Variants in NUP98 observed in about 807,000 individuals in gnomAD.
The protein encoded by NUP98 is nucleoporin 98 and 96 precursor.
Under a neutral mutation model 191.9 loss-of-function variants are expected in NUP98, and 26 were observed. That is an observed-to-expected ratio of 0.14 (90% confidence interval 0.10 to 0.19). The LOEUF is 0.19. Ranked by LOEUF, NUP98 falls within the 10% of genes least tolerant of loss-of-function variation. The pLI is 1.00. For synonymous variants in NUP98, 808 were observed against 778.4 expected, an observed-to-expected ratio of 1.04 and a Z score of -0.63; for missense variants, 1,941 against 2,178.8, an observed-to-expected ratio of 0.89 and a Z score of 2.17.
rs553445511 is a variant in NUP98, at chr11:3,749,181, G to A, written c.1267+4135C>T. 9.9e-5 allele frequency among the ~76,000 whole-genome samples: 15 copies of A among 151,688 alleles called. No individual in the cohort carries two copies. The East Asian group carries it at 1.9e-3, about 20-fold the overall frequency. The stretch of plus-strand genomic sequence containing the variant: ...AAATTAGCCGGGCGCGGTGGCGGGC[G>A]CCTATAGTCCCAGCTACTCGGGAGG... On this transcript the variant is annotated intron_variant, in intron 11 of 32. Coordinates refer to ENST00000324932, the MANE Select transcript of NUP98 (RefSeq NM_016320.5).
At chr11:3,745,040 GTAAT>G (rs2080440366) in intron 11 of NUP98, among the ~76,000 whole-genome samples, 1 of 152,194 alleles carries the variant, frequency 6.6e-6, no homozygotes, top group Admixed American at 6.5e-5. Flanking sequence ...TTAGGGTTTA[GTAAT>G]TAGCACGATG....
chr11:3,776,240 G>A (rs1357881017), intron 4 of NUP98, among the ~76,000 whole-genome samples: 1 of 150,668 alleles, frequency 6.6e-6, no homozygotes, highest in Non-Finnish European at 1.5e-5. Flanking sequence ...TCCTGCCTCA[G>A]CCTCCCAAGT....
At chr11:3,697,474 A>T (rs2078544413) in intron 25 of NUP98, among the ~76,000 whole-genome samples, 1 of 152,092 alleles carries the variant, frequency 6.6e-6, no homozygotes, top group Non-Finnish European at 1.5e-5. Context: ...TAAGGATCTG[A>T]TCATATTAGA....
intron 13 of NUP98, among the ~76,000 whole-genome samples, chr11:3,733,532 G>A (rs932218281): frequency 6.6e-6 from 1 of 151,988 alleles, no homozygotes; most frequent in Non-Finnish European, 1.5e-5. Context: ...GGCTGGTCTT[G>A]AACTCCTGAA....
At chr11:3,769,811 G>A (rs983163770) in intron 7 of NUP98, among the ~76,000 whole-genome samples, 15 of 152,072 alleles carry the variant, frequency 9.9e-5, no homozygotes, top group African/African-American at 3.4e-4. Flanking sequence ...TTGAGAGGCC[G>A]AGGCGGGTGG....
chr11:3,770,783 C>G (rs1477510244), intron 7 of NUP98, among the ~76,000 whole-genome samples: 1 of 152,174 alleles, frequency 6.6e-6, no homozygotes, highest in Non-Finnish European at 1.5e-5. Context: ...ACTCCTCTTT[C>G]ACATCCCACA....
At chr11:3,739,104 A>T (rs1297190405) in intron 12 of NUP98, among the ~76,000 whole-genome samples, 2 of 152,226 alleles carry the variant, frequency 1.3e-5, no homozygotes, top group African/African-American at 2.4e-5. Flanking sequence ...TTTAATATTA[A>T]CTAAATTCTT....
intron 20 of NUP98, chr11:3,712,226 G>A: frequency 9.1e-7 from 1 of 1,096,318 alleles, no homozygotes; most frequent in East Asian, 4.7e-5. Flanking sequence ...AGTCAATAAA[G>A]GCAGAATTTA....
intron 15 of NUP98, 113 bp downstream of exon 15, chr11:3,724,990 A>G: frequency 1.8e-6 from 1 of 555,850 alleles, no homozygotes; most frequent in Non-Finnish European, 3.2e-6. Flanking sequence ...AGCTTGTAAT[A>G]CTTCTATGTA....
intron 20 of NUP98, chr11:3,711,679 A>T (rs893659005): frequency 9.1e-6 from 2 of 220,528 alleles, no homozygotes; most frequent in Non-Finnish European, 1.7e-5. Context: ...AACCAAGTCT[A>T]TAGCATTTCA....
chr11:3,778,074 C>T (rs557702609), intron 4 of NUP98, among the ~76,000 whole-genome samples: 1 of 151,790 alleles, frequency 6.6e-6, no homozygotes, highest in East Asian at 1.9e-4. Flanking sequence ...TGGCAGGCGC[C>T]TGTAGTCCCA....
chr11:3,690,755 T>C lies in NUP98; in HGVS notation c.4454+592A>G, dbSNP rs544104338. 1.1e-4 allele frequency among the ~76,000 whole-genome samples: 16 copies of C among 152,296 alleles called. No individual in the cohort carries two copies. In the South Asian group the frequency reaches 2.9e-3, roughly 28 times the overall value. ...ATATAATCACTTCTGGATATGTTCA[T>C]AGCAGATTTATCAATAATGGCCAAA... On this transcript the variant is annotated intron_variant, in intron 28 of 32. Coordinates refer to ENST00000324932, the MANE Select transcript of NUP98 (RefSeq NM_016320.5).
intron 8 of NUP98, among the ~76,000 whole-genome samples, chr11:3,764,297 T>C (rs1003011763): frequency 5.3e-5 from 8 of 152,274 alleles, no homozygotes; most frequent in African/African-American, 1.9e-4. Context: ...CAATTTATGG[T>C]TGAACAATAT....
chr11:3,707,737 T>TAAAAAAAAAAAAAAAAAAAA (rs2078901008), intron 20 of NUP98, among the ~76,000 whole-genome samples: 1 of 4,486 alleles, frequency 2.2e-4, no homozygotes, highest in Non-Finnish European at 3.6e-4. Context: ...AGACTCTGTC[T>TAAAAAAAAAAAAAAAAAAAA]CAAAAAAAAA....
At chr11:3,695,353 G>A (rs2078466898) in intron 26 of NUP98, 96 bp downstream of exon 26, 1 of 1,152,056 alleles carries the variant, frequency 8.7e-7, no homozygotes, top group Non-Finnish European at 1.2e-6. Context: ...GTGTAACTGT[G>A]CACAATTTAC....
intron 8 of NUP98, among the ~76,000 whole-genome samples, chr11:3,764,558 C>T (rs1233985154): frequency 6.6e-6 from 1 of 152,140 alleles, no homozygotes; most frequent in Admixed American, 6.6e-5. Flanking sequence ...GTTCCAACTT[C>T]TCCAGGTTCA....
rs1220419550 is a variant in NUP98, at chr11:3,719,530, C to T, written c.2281G>A (p.Glu761Lys). The T allele has an allele frequency of 5.7e-6, 9 of 1,587,628 alleles. No homozygotes were observed. Among genetic ancestry groups the T allele is most frequent in the South Asian group, 1.2e-5 (1 of 85,902 alleles). The change falls in exon 18 of 33, where the codon GAA becomes AAA. Residue 761 changes from glutamate (E) to lysine (K), a missense_variant. Transcript: ENST00000324932. ...AGATTTGTCAAATTCACATCTCCTT[C>T]AAAATAGATTGAACCATAACCTATA... The part of the protein sequence containing the change: ...GRKGYGSIYF[E>K]GDVNLTNLNL...
rs547085900 is a variant in NUP98 at position 3,797,348 on chromosome 11, G to C, written c.-29+52C>G. The C allele has an allele frequency of 2.5e-5, 10 of 400,128 alleles. No individual in the cohort carries two copies. In the South Asian group the frequency reaches 3.5e-4, roughly 14 times the overall value. The allele number at this position is 400,128 out of a possible 1,614,324, so 24.8% of individuals were successfully genotyped here. A position where few individuals can be genotyped will look rare whatever the true frequency, so the allele number is the denominator to read the frequency against. Reference sequence around the variant, plus strand: ...GCCCCGCGCGTCCGCCCGCCCGGAAGGGGGGAGAAACCTGCCGGTCTCGGC... The same window carrying C: ...GCCCCGCGCGTCCGCCCGCCCGGAACGGGGGAGAAACCTGCCGGTCTCGGC... On this transcript the variant is annotated intron_variant, in intron 1 of 32. Transcript: ENST00000324932.
intron 20 of NUP98, among the ~76,000 whole-genome samples, chr11:3,708,776 A>C (rs1171239889): frequency 6.6e-6 from 1 of 152,096 alleles, no homozygotes; most frequent in East Asian, 1.9e-4. Context: ...AGGGAAGAGA[A>C]AGCCTACTGG....
Sources: gnomAD v4.1 joint callset for allele counts (sites outside exome capture counted in the v4.1 genomes callset) on GRCh38, gnomAD v4.1.1 for gene constraint, MANE v1.5 for transcripts, NCBI Gene and HGNC (gene_info 2026-07-23, HGNC 2026-07-21) for gene names.